Variants in FAM13A observed in about 807,000 individuals in gnomAD.
FAM13A encodes the protein family with sequence similarity 13 member A, also known as protein FAM13A.
Under a neutral mutation model 129.6 loss-of-function variants are expected in FAM13A, and 76 were observed. That is an observed-to-expected ratio of 0.59 (90% CI 0.49 to 0.71). The LOEUF (loss-of-function observed/expected upper bound fraction) is 0.71, where lower values mean the gene tolerates loss of function less well. Among genes scored for constraint, FAM13A ranks in the 30% least tolerant of loss-of-function variants. The pLI is 0.00. For missense variants in FAM13A, 1,108 were observed against 1,249.3 expected, an observed-to-expected ratio of 0.89 and a Z score of 1.70; for synonymous variants, 443 against 449.9, an observed-to-expected ratio of 0.98 and a Z score of 0.20.
At chr4:88,816,851 A>G (rs1010833236) in intron 7 of FAM13A, among the ~76,000 whole-genome samples, 2 of 152,298 alleles carry the variant, frequency 1.3e-5, no homozygotes, top group South Asian at 2.1e-4. Flanking sequence ...GGAAGCTATA[A>G]TTTAGATTAT....
intron 7 of FAM13A, among the ~76,000 whole-genome samples, chr4:88,822,208 A>C (rs1050815671): frequency 6.6e-6 from 1 of 152,200 alleles, no homozygotes; most frequent in African/African-American, 2.4e-5. Flanking sequence ...GTAATGTTTA[A>C]AATCCTAAAA....
chr4:89,043,819 C>T (rs1770480046), intron 1 of FAM13A, among the ~76,000 whole-genome samples: 1 of 152,142 alleles, frequency 6.6e-6, no homozygotes, highest in South Asian at 2.1e-4. Context: ...TGCCTGTAAT[C>T]CCAACACTTT....
At chr4:88,810,396 A>C (rs1729448746) in intron 7 of FAM13A, among the ~76,000 whole-genome samples, 1 of 152,152 alleles carries the variant, frequency 6.6e-6, no homozygotes, top group Non-Finnish European at 1.5e-5. Context: ...GATCAAATTA[A>C]AATAAAGTCA....
intron 23 of FAM13A, among the ~76,000 whole-genome samples, chr4:88,730,829 T>G (rs560493783): frequency 1.3e-5 from 2 of 152,340 alleles, no homozygotes; most frequent in Non-Finnish European, 2.9e-5. Flanking sequence ...AGAAATGAAG[T>G]CTCACTCTAT....
chr4:88,887,085 GAGCTA>G (rs1350952934), intron 6 of FAM13A, among the ~76,000 whole-genome samples: 1 of 152,110 alleles, frequency 6.6e-6, no homozygotes, highest in Non-Finnish European at 1.5e-5. Flanking sequence ...TCATAAGTGG[GAGCTA>G]AGCTCTGAGG....
intron 21 of FAM13A, among the ~76,000 whole-genome samples, chr4:88,733,472 T>C (rs561680490): frequency 6.6e-6 from 1 of 152,352 alleles, no homozygotes; most frequent in South Asian, 2.1e-4. Flanking sequence ...ACGTTTCTTT[T>C]TGTTTTAGTA....
chr4:88,956,079 C>G (rs776971584), intron 4 of FAM13A, among the ~76,000 whole-genome samples: 5 of 152,086 alleles, frequency 3.3e-5, no homozygotes, highest in African/African-American at 7.2e-5. Flanking sequence ...TTTAGTATAG[C>G]CTAAGTGTAC....
chr4:88,916,681 C>A lies in FAM13A; in HGVS notation c.760-10219G>T, dbSNP rs371540476. ...TACTTCTGCTTAGACTGCTCTTCCT[C>A]CAAAAAGTTTGTATGGCTTGCTCCA... On this transcript the variant is annotated intron_variant, in intron 5 of 23. Coordinates refer to ENST00000264344, the MANE Select transcript of FAM13A (RefSeq NM_014883.4). 5.3e-5 allele frequency among the ~76,000 whole-genome samples: 8 copies of A among 152,320 alleles called. No homozygotes were observed. In the South Asian group the frequency reaches 1.7e-3, roughly 32 times the overall value.
intron 7 of FAM13A, among the ~76,000 whole-genome samples, chr4:88,825,044 A>C (rs1732735145): frequency 6.6e-6 from 1 of 152,120 alleles, no homozygotes; most frequent in Non-Finnish European, 1.5e-5. Flanking sequence ...TATACATCAT[A>C]ATATCTATTT....
chr4:89,001,487 T>C (rs1764238375), intron 3 of FAM13A, among the ~76,000 whole-genome samples: 1 of 152,226 alleles, frequency 6.6e-6, no homozygotes, highest in African/African-American at 2.4e-5. Context: ...TGTAGTTTAA[T>C]ATAATGATTC....
intron 6 of FAM13A, among the ~76,000 whole-genome samples, chr4:88,878,790 C>T (rs1332671114): frequency 6.6e-6 from 1 of 152,176 alleles, no homozygotes; most frequent in African/African-American, 2.4e-5. Context: ...TGGACATCTG[C>T]ACCTAATAGT....
At chr4:89,020,274 T>C (rs1226292252) in intron 3 of FAM13A, among the ~76,000 whole-genome samples, 186 bp downstream of exon 3, 5 of 129,706 alleles carry the variant, frequency 3.9e-5, no homozygotes, top group African/African-American at 1.4e-4. Flanking sequence ...TTTTTTTTTT[T>C]CTGCCCTTTT....
intron 5 of FAM13A, among the ~76,000 whole-genome samples, chr4:88,917,267 T>C (rs76425561): frequency 7.2e-5 from 11 of 151,890 alleles, no homozygotes; most frequent in East Asian, 3.9e-4. Flanking sequence ...GTAGAGATCA[T>C]ATGGCAAGGG....
intron 5 of FAM13A, among the ~76,000 whole-genome samples, chr4:88,920,118 C>T (rs1222277172): frequency 6.6e-6 from 1 of 152,192 alleles, no homozygotes; most frequent in Non-Finnish European, 1.5e-5. Context: ...CCTCTGGGGG[C>T]AGGGCACAGA....
intron 7 of FAM13A, among the ~76,000 whole-genome samples, chr4:88,827,875 A>G (rs1308045036): frequency 6.6e-6 from 1 of 152,192 alleles, no homozygotes; most frequent in Non-Finnish European, 1.5e-5. Context: ...TACCTCTTAC[A>G]TGAACCCCAA....
At chr4:88,842,952 G>A (rs185046206) in intron 7 of FAM13A, among the ~76,000 whole-genome samples, 58 of 152,190 alleles carry the variant, frequency 3.8e-4, no homozygotes, top group African/African-American at 1.3e-3. Flanking sequence ...GAGAAATATC[G>A]GAGACTTTCA....
intron 4 of FAM13A, among the ~76,000 whole-genome samples, chr4:88,988,086 T>A (rs1227946745): frequency 6.6e-6 from 1 of 152,088 alleles, no homozygotes; most frequent in Non-Finnish European, 1.5e-5. Context: ...ATGGCACATG[T>A]CTACCTATGT....
At chr4:88,733,737 G>A (rs568493823) in intron 21 of FAM13A, among the ~76,000 whole-genome samples, 1 of 152,348 alleles carries the variant, frequency 6.6e-6, no homozygotes, top group East Asian at 1.9e-4. Flanking sequence ...TGGCTGTTAA[G>A]CAGTCTAGTA....
chr4:89,053,073 T>G (rs1011193929), intron 1 of FAM13A, among the ~76,000 whole-genome samples: 8 of 152,212 alleles, frequency 5.3e-5, no homozygotes, highest in African/African-American at 1.9e-4. Flanking sequence ...GCACTTTACT[T>G]AGAAATTGCT....
Sources: allele counts gnomAD v4.1 joint callset (sites outside exome capture counted in the v4.1 genomes callset), GRCh38; gene constraint gnomAD v4.1.1; transcripts MANE v1.5; gene names NCBI Gene and HGNC (gene_info 2026-07-23, HGNC 2026-07-21).